RMST: variants seen among roughly 807,000 people sequenced by gnomAD.
The protein encoded by RMST is rhabdomyosarcoma 2 associated transcript.
chr12:97,542,373 A>G (rs1029299884), intron 11 of RMST, among the ~76,000 whole-genome samples: 2 of 151,902 alleles, frequency 1.3e-5, no homozygotes, highest in African/African-American at 4.8e-5. Flanking sequence ...TAATTTTAAT[A>G]TGGCATGGAA....
At chr12:97,463,017 G>GGCTCTCTCTCTCTCTC (rs776237347) in intron 3 of RMST, 1 of 129,898 alleles carries the variant, frequency 7.7e-6, no homozygotes, top group East Asian at 2.7e-4. Context: ...CAAGTCAGCA[G>GGCTCTCTCTCTCTCTC]TCTCTCTCTC....
At chr12:97,504,824 G>T (rs1280914000) in intron 10 of RMST, among the ~76,000 whole-genome samples, 2 of 152,086 alleles carry the variant, frequency 1.3e-5, no homozygotes, top group Non-Finnish European at 2.9e-5. Flanking sequence ...AGGAGGATAG[G>T]GAAAATGAGT....
chr12:97,551,782 A>G (rs1883327715), intron 11 of RMST: 1 of 152,146 alleles, frequency 6.6e-6, no homozygotes, highest in Non-Finnish European at 1.5e-5. Flanking sequence ...TTCAAATTTG[A>G]TTTTGAAAAT....
At chr12:97,504,634 A>G (rs368161901) in intron 10 of RMST, among the ~76,000 whole-genome samples, 1 of 152,172 alleles carries the variant, frequency 6.6e-6, no homozygotes, top group Non-Finnish European at 1.5e-5. Flanking sequence ...TGTATTACCA[A>G]TAAAGAGGGA....
chr12:97,514,667 GT>G (rs201789963), intron 10 of RMST, among the ~76,000 whole-genome samples: 19,677 of 144,130 alleles, frequency 0.14, 2,063 homozygotes, highest in African/African-American at 0.29. Context: ...AAAGTATATT[GT>G]TTTTTTTTTT....
intron 5 of RMST, among the ~76,000 whole-genome samples, chr12:97,466,758 G>A (rs570965601): frequency 6.6e-6 from 1 of 152,110 alleles, no homozygotes; most frequent in Non-Finnish European, 1.5e-5. Flanking sequence ...CAATTTTCTG[G>A]TGATAATAAT....
intron 5 of RMST, among the ~76,000 whole-genome samples, chr12:97,478,311 A>C (rs943727841): frequency 6.6e-6 from 1 of 152,192 alleles, no homozygotes; most frequent in African/African-American, 2.4e-5. Context: ...TATAAAACAC[A>C]TTTTGATTTA....
intron 10 of RMST, among the ~76,000 whole-genome samples, chr12:97,503,787 A>G (rs1878354478): frequency 1.3e-5 from 2 of 152,246 alleles, no homozygotes; most frequent in South Asian, 4.1e-4. Flanking sequence ...TTTTGTACAG[A>G]CACACTTTCT....
chr12:97,564,143 A>G, intron 13 of RMST: 1 of 307,518 alleles, frequency 3.3e-6, no homozygotes, highest in South Asian at 3.0e-5. Flanking sequence ...TCCGTTTTCT[A>G]TTAAAGAACA....
At chr12:97,537,290 T>A (rs1882147443) in intron 11 of RMST, among the ~76,000 whole-genome samples, 1 of 151,318 alleles carries the variant, frequency 6.6e-6, no homozygotes, top group South Asian at 2.1e-4. Context: ...GATTAAACCC[T>A]TAGGCAGATG....
At chr12:97,529,341 A>G (rs1347081042) in intron 10 of RMST, among the ~76,000 whole-genome samples, 1 of 152,100 alleles carries the variant, frequency 6.6e-6, no homozygotes, top group African/African-American at 2.4e-5. Flanking sequence ...TAAAAATAAA[A>G]TGTATTTTAG....
intron 11 of RMST, among the ~76,000 whole-genome samples, chr12:97,555,445 G>C (rs145922097): frequency 6.6e-6 from 1 of 152,074 alleles, no homozygotes; most frequent in East Asian, 1.9e-4. Context: ...CATCATCTAC[G>C]TTTCATGTGT....
intron 5 of RMST, among the ~76,000 whole-genome samples, chr12:97,467,375 A>C (rs1488067135): frequency 6.6e-6 from 1 of 152,048 alleles, no homozygotes; most frequent in Non-Finnish European, 1.5e-5. Flanking sequence ...AGTCAAAATG[A>C]AATCCTGACA....
intron 4 of RMST, chr12:97,464,851 C>A (rs948268553): frequency 6.6e-6 from 1 of 152,156 alleles, no homozygotes; most frequent in African/African-American, 2.4e-5. Flanking sequence ...CCGAGCAATT[C>A]ATCAGTTCTT....
intron 5 of RMST, among the ~76,000 whole-genome samples, chr12:97,476,793 TA>T (rs1248604352): frequency 2.0e-5 from 3 of 151,980 alleles, no homozygotes; most frequent in African/African-American, 2.4e-5. Flanking sequence ...GTTGAAGATC[TA>T]AAAAAAGAGA....
chr12:97,468,239 G>A (rs1298361965), intron 5 of RMST, among the ~76,000 whole-genome samples: 3 of 151,920 alleles, frequency 2.0e-5, no homozygotes, highest in African/African-American at 7.2e-5. Flanking sequence ...TAAGAAAAAA[G>A]TTATCCTAAA....
chr12:97,495,382 A>G (rs2136461094), intron 9 of RMST, among the ~76,000 whole-genome samples: 1 of 152,236 alleles, frequency 6.6e-6, no homozygotes, highest in South Asian at 2.1e-4. Flanking sequence ...GCATGACAAG[A>G]AAAAAAGTAA....
chr12:97,511,941 A>T (rs1224911075), intron 10 of RMST, among the ~76,000 whole-genome samples: 2 of 152,210 alleles, frequency 1.3e-5, no homozygotes, highest in Non-Finnish European at 2.9e-5. Flanking sequence ...TTCAATAGTT[A>T]TGTGTCCGGA....
intron 10 of RMST, among the ~76,000 whole-genome samples, chr12:97,498,325 A>AC (rs1593184224): frequency 6.6e-6 from 1 of 152,300 alleles, no homozygotes; most frequent in East Asian, 1.9e-4. Flanking sequence ...ATGGTGGTTG[A>AC]ACCAGAATTG....
Sources: gnomAD v4.1 joint callset for allele counts (sites outside exome capture counted in the v4.1 genomes callset) on GRCh38, gnomAD v4.1.1 for gene constraint, MANE v1.5 for transcripts, NCBI Gene and HGNC (gene_info 2026-07-23, HGNC 2026-07-21) for gene names.